The following EBF2 variants were observed in gnomAD, a reference collection of about 807,000 sequenced individuals.
The protein encoded by EBF2 is transcription factor COE2.
Under a neutral mutation model 72.8 loss-of-function variants are expected in EBF2, and 21 were observed. That is an observed-to-expected ratio of 0.29 (90% CI 0.20 to 0.42). The LOEUF is 0.42. Among genes scored for constraint, EBF2 ranks in the 10% least tolerant of loss-of-function variants. The pLI is 1.00. For synonymous variants in EBF2, 299 were observed against 274.2 expected, an observed-to-expected ratio of 1.09 and a Z score of -0.89; for missense variants, 637 against 731.2, an observed-to-expected ratio of 0.87 and a Z score of 1.49.
intron 6 of EBF2, among the ~76,000 whole-genome samples, chr8:26,018,863 T>C (rs1031450754): frequency 6.9e-6 from 1 of 145,334 alleles, no homozygotes; most frequent in Admixed American, 7.2e-5. Flanking sequence ...CCATTTTAAA[T>C]GTAAACAAGC....
chr8:25,920,562 G>C (rs532676222), intron 6 of EBF2, among the ~76,000 whole-genome samples: 2 of 152,362 alleles, frequency 1.3e-5, no homozygotes, highest in South Asian at 4.1e-4. Flanking sequence ...GTGAGAGCAG[G>C]TGGAGAGAAA....
In EBF2 at chr8:25,848,419, G is replaced by GT. The variant is rs551161925; in HGVS notation, c.1696+2174_1696+2175insA. ...AGGGTCTTCTGTTTCTGCTGCAGCT[G>GT]CCCTCACAGGGAACCTTACTAAGAC... On this transcript the variant is annotated intron_variant, in intron 15 of 15. Coordinates refer to ENST00000520164, the MANE Select transcript of EBF2 (RefSeq NM_022659.4). 7.6e-4 allele frequency among the ~76,000 whole-genome samples: 115 copies of GT among 152,296 alleles called. No individual in the cohort carries two copies. In the East Asian group the frequency reaches 0.02, roughly 27 times the overall value.
chr8:26,002,851 CA>C (rs1804755859), intron 6 of EBF2, among the ~76,000 whole-genome samples: 4 of 89,708 alleles, frequency 4.5e-5, no homozygotes, highest in South Asian at 1.2e-3. Context: ...GGCAGGCAGG[CA>C]GGCGGGCAGG....
chr8:25,861,420 G>C (rs778950988), intron 11 of EBF2, 46 bp from the exon 12 acceptor site: 1 of 1,604,084 alleles, frequency 6.2e-7, no homozygotes. Context: ...CAAAATCCAA[G>C]ATGGCAAACA....
intron 6 of EBF2, among the ~76,000 whole-genome samples, chr8:25,969,100 T>A (rs368633260): frequency 1.3e-5 from 2 of 152,282 alleles, no homozygotes; most frequent in South Asian, 2.1e-4. Flanking sequence ...TGGTAATTGA[T>A]CTCTGGATTC....
intron 6 of EBF2, among the ~76,000 whole-genome samples, chr8:25,936,035 C>T (rs1391281737): frequency 6.6e-6 from 1 of 151,984 alleles, no homozygotes; most frequent in Non-Finnish European, 1.5e-5. Flanking sequence ...CATTAGGAGC[C>T]GATGTGAAGT....
At chr8:25,856,267 T>C (rs781059544) in intron 14 of EBF2, among the ~76,000 whole-genome samples, 15 of 152,186 alleles carry the variant, frequency 9.9e-5, no homozygotes, top group Non-Finnish European at 1.9e-4. Context: ...CATACCTACA[T>C]AGATTATGAT....
chr8:25,929,157 T>A (rs1173749926), intron 6 of EBF2, among the ~76,000 whole-genome samples: 2 of 152,218 alleles, frequency 1.3e-5, no homozygotes, highest in Non-Finnish European at 2.9e-5. Flanking sequence ...TGTTGATTCA[T>A]TTAAATACTC....
At chr8:26,021,537 G>A (rs1026835153) in intron 6 of EBF2, among the ~76,000 whole-genome samples, 1 of 152,108 alleles carries the variant, frequency 6.6e-6, no homozygotes, top group Non-Finnish European at 1.5e-5. Flanking sequence ...ATTCAGATAG[G>A]TTTGCCAGAT....
Position 25,977,431 on chromosome 8 carries a change from T to G in EBF2, c.551+55654A>C, listed in dbSNP as rs556873868. Reference sequence around the variant, plus strand: ...CACATTTTCTACACAGCACCCCACATGCAGAGGGGTGCTTGATAAAGGCAT... The same window carrying G: ...CACATTTTCTACACAGCACCCCACAGGCAGAGGGGTGCTTGATAAAGGCAT... On this transcript the variant is annotated intron_variant, in intron 6 of 15. Coordinates refer to ENST00000520164, the MANE Select transcript of EBF2 (RefSeq NM_022659.4). Among the ~76,000 whole-genome samples, 16 of 152,222 alleles carry G rather than the reference T, an allele frequency of 1.1e-4. 1 individual carries two copies. The South Asian group carries it at 3.3e-3, about 32-fold the overall frequency.
chr8:25,977,861 G>C (rs1407959664), intron 6 of EBF2, among the ~76,000 whole-genome samples: 1 of 152,204 alleles, frequency 6.6e-6, no homozygotes, highest in Non-Finnish European at 1.5e-5. Flanking sequence ...GTACCTGAGG[G>C]AAGAAAGCAA....
chr8:25,888,274 C>T (rs59708667), intron 8 of EBF2, among the ~76,000 whole-genome samples: 9 of 152,126 alleles, frequency 5.9e-5, no homozygotes, highest in Non-Finnish European at 1.0e-4. Flanking sequence ...TAGAATTCTG[C>T]GGATGGGCTG....
intron 10 of EBF2, among the ~76,000 whole-genome samples, chr8:25,863,851 A>G (rs987969395): frequency 6.6e-6 from 1 of 152,172 alleles, no homozygotes; most frequent in African/African-American, 2.4e-5. Flanking sequence ...TGAAACCTAT[A>G]CACATACTTA....
chr8:26,032,976 A>C (rs1218713098), intron 6 of EBF2, 109 bp downstream of exon 6: 1 of 1,057,572 alleles, frequency 9.5e-7, no homozygotes, highest in Non-Finnish European at 1.4e-6. Context: ...AGTGACTTGA[A>C]ATAACATGAA....
At chr8:25,898,743 G>A (rs1208302401) in intron 7 of EBF2, among the ~76,000 whole-genome samples, 2 of 152,132 alleles carry the variant, frequency 1.3e-5, no homozygotes, top group African/African-American at 2.4e-5. Flanking sequence ...GGAAGCTCTA[G>A]CCCCAGGGAC....
rs1273041358 is a variant in EBF2 at position 25,844,281 on chromosome 8, A to C, written c.*328T>G. 4.8e-6 allele frequency: 1 copy of C among 206,212 alleles called. No individual in the cohort carries two copies. The highest frequency in any genetic ancestry group is 9.8e-6 in the Non-Finnish European group (1 of 102,244). 12.8% of individuals were successfully genotyped at this position (206,212 alleles called of 1,614,324 possible). A position where few individuals can be genotyped will look rare whatever the true frequency, so the allele number is the denominator to read the frequency against. On this transcript the variant is annotated 3_prime_UTR_variant, in exon 16 of 16. Transcript: ENST00000520164. Reference sequence around the variant, plus strand: ...ATAGTATCCAAAATATTAAGCATTAATTGTTTGCCAATTTTTTCTTAAATA... The same window carrying C: ...ATAGTATCCAAAATATTAAGCATTACTTGTTTGCCAATTTTTTCTTAAATA...
chr8:26,016,924 T>TA (rs148753356), intron 6 of EBF2, among the ~76,000 whole-genome samples: 2,377 of 152,132 alleles, frequency 0.016, 29 homozygotes, highest in Middle Eastern at 0.024. Flanking sequence ...TTAAAAATAA[T>TA]AAAAAATAAT....
chr8:25,911,774 G>C (rs1321596803), intron 6 of EBF2, among the ~76,000 whole-genome samples: 1 of 152,184 alleles, frequency 6.6e-6, no homozygotes. Context: ...AACCTGAGTG[G>C]GTGTGGCAGA....
At chr8:26,030,974 T>A (rs1805392648) in intron 6 of EBF2, among the ~76,000 whole-genome samples, 1 of 152,218 alleles carries the variant, frequency 6.6e-6, no homozygotes, top group South Asian at 2.1e-4. Context: ...ATGAGCATAT[T>A]CAACTTTATC....
Sources: allele counts gnomAD v4.1 joint callset (sites outside exome capture counted in the v4.1 genomes callset), GRCh38; gene constraint gnomAD v4.1.1; transcripts MANE v1.5; gene names NCBI Gene and HGNC (gene_info 2026-07-23, HGNC 2026-07-21).